Variants in PRKCE observed in about 807,000 individuals in gnomAD.
PRKCE encodes the protein protein kinase C epsilon.
Under a neutral mutation model 85.4 loss-of-function variants are expected in PRKCE, and 16 were observed. The ratio of observed to expected loss-of-function variants is 0.19; its 90% CI spans 0.13 to 0.28. The LOEUF is 0.28. Among genes scored for constraint, PRKCE ranks in the 10% least tolerant of loss-of-function variants. The probability of loss-of-function intolerance (pLI) is 1.00; values close to 1 mark genes in which losing one functional copy is unlikely to be tolerated. For synonymous variants in PRKCE, 388 were observed against 371.5 expected, an observed-to-expected ratio of 1.04 and a Z score of -0.51; for missense variants, 573 against 975.2, an observed-to-expected ratio of 0.59 and a Z score of 5.49.
intron 1 of PRKCE, among the ~76,000 whole-genome samples, chr2:45,795,548 G>A (rs1687371745): frequency 6.6e-6 from 1 of 152,118 alleles, no homozygotes. Flanking sequence ...GACCTCAGGT[G>A]ATCCACCCTC....
chr2:45,656,629 T>C (rs947769684), intron 1 of PRKCE, among the ~76,000 whole-genome samples: 24 of 152,244 alleles, frequency 1.6e-4, no homozygotes, highest in African/African-American at 5.3e-4. Flanking sequence ...ATATAAAAGA[T>C]AGATCTATAT....
At chr2:46,080,727 G>A (rs1474959794) in intron 10 of PRKCE, among the ~76,000 whole-genome samples, 1 of 152,164 alleles carries the variant, frequency 6.6e-6, no homozygotes, top group Non-Finnish European at 1.5e-5. Context: ...TATTGCTTGG[G>A]ATTGCTAGGA....
intron 2 of PRKCE, among the ~76,000 whole-genome samples, chr2:45,915,168 C>T (rs575632809): frequency 3.3e-5 from 5 of 152,156 alleles, no homozygotes; most frequent in Non-Finnish European, 5.9e-5. Context: ...GGATTACAGG[C>T]GTGAGCCACT....
chr2:46,112,082 G>A (rs1258914589), intron 11 of PRKCE, among the ~76,000 whole-genome samples: 1 of 152,084 alleles, frequency 6.6e-6, no homozygotes, highest in Non-Finnish European at 1.5e-5. Flanking sequence ...GTTGTTAGTT[G>A]TATACCTGTT....
At position 46,005,931 on chromosome 2, in the gene PRKCE, G is replaced by T. The variant is rs528702391; in HGVS notation, c.1063+1293G>T. 9.9e-5 allele frequency among the ~76,000 whole-genome samples: 15 copies of T among 152,278 alleles called. No individual in the cohort carries two copies. The South Asian group carries it at 3.1e-3, about 32-fold the overall frequency. ...CCTTTCTGAGGCTGAGATCCCCTTT[G>T]GGAGCTTCAGGGAGACAGGGTCATA... is the stretch of plus-strand genomic sequence containing the variant. On this transcript the variant is annotated intron_variant, in intron 8 of 14. Transcript: ENST00000306156.
intron 14 of PRKCE, among the ~76,000 whole-genome samples, chr2:46,176,470 C>T (rs1258339143): frequency 6.6e-6 from 1 of 152,032 alleles, no homozygotes; most frequent in East Asian, 1.9e-4. Context: ...TCCCAGTATT[C>T]AGAAACTGGG....
chr2:45,970,450 A>G (rs749184216), intron 2 of PRKCE, among the ~76,000 whole-genome samples: 5 of 152,172 alleles, frequency 3.3e-5, no homozygotes, highest in Non-Finnish European at 7.4e-5. Flanking sequence ...ACTAATTGGG[A>G]GGAAACAATC....
rs112930403 is a variant in PRKCE at position 46,070,998 on chromosome 2, A to G, written c.1438-15210A>G. On this transcript the variant is annotated intron_variant, in intron 10 of 14. Transcript: ENST00000306156. ...TTAGATTATCATTTTCTAAGCAAAC[A>G]AAAAGGCCAAGATGGAGATGGTTTG... Among the ~76,000 whole-genome samples the G allele has an allele frequency of 1.4e-4, 21 of 152,358 alleles. 1 individual carries two copies. Among genetic ancestry groups the G allele is most frequent in the African/African-American group, 5.1e-4 (21 of 41,584 alleles).
At chr2:46,182,521 A>C (rs1680093871) in intron 14 of PRKCE, among the ~76,000 whole-genome samples, 1 of 152,018 alleles carries the variant, frequency 6.6e-6, no homozygotes, top group South Asian at 2.1e-4. Context: ...CCTCAGCTAT[A>C]GGTTCTGTTT....
chr2:46,131,389 A>C (rs1674432958), intron 11 of PRKCE, among the ~76,000 whole-genome samples: 1 of 152,244 alleles, frequency 6.6e-6, no homozygotes, highest in African/African-American at 2.4e-5. Context: ...GGGGGAAGTT[A>C]CATATCAAGC....
Position 46,004,786 on chromosome 2 carries a change from T to A in PRKCE, c.1063+148T>A. 1.5e-6 allele frequency: 1 copy of A among 663,454 alleles called. No homozygotes were observed. Among genetic ancestry groups the A allele is most frequent in the South Asian group, 1.8e-5 (1 of 54,134 alleles). 41.1% of individuals were successfully genotyped at this position (663,454 alleles called of 1,614,324 possible). ...TTTCACACACCCGTTGCCTGTTGATTTAACAGTTCTTTCATTCTCCAAGAC... is the reference window on the plus strand; with the variant it reads ...TTTCACACACCCGTTGCCTGTTGATATAACAGTTCTTTCATTCTCCAAGAC... On this transcript the variant is annotated intron_variant, in intron 8 of 14. Coordinates refer to ENST00000306156, the MANE Select transcript of PRKCE (RefSeq NM_005400.3). The surrounding 1 kb of genome is among the most constrained non-coding windows in gnomAD (Gnocchi z 4.1).
chr2:45,937,786 GC>G (rs1171720785), intron 2 of PRKCE, among the ~76,000 whole-genome samples: 1 of 151,928 alleles, frequency 6.6e-6, no homozygotes, highest in East Asian at 1.9e-4. Flanking sequence ...ATTATCGAAC[GC>G]CTACTGTGTA....
intron 6 of PRKCE, among the ~76,000 whole-genome samples, chr2:45,990,742 A>C (rs542251783): frequency 1.3e-5 from 2 of 151,396 alleles, no homozygotes; most frequent in East Asian, 1.9e-4. Context: ...GCTCACTGCA[A>C]CTTTCACCTC....
chr2:45,658,971 T>A (rs936982814), intron 1 of PRKCE, among the ~76,000 whole-genome samples: 1 of 152,238 alleles, frequency 6.6e-6, no homozygotes, highest in Non-Finnish European at 1.5e-5. Flanking sequence ...GTATGGGTAA[T>A]TGGAAATGAG....
chr2:46,011,775 C>T (rs1015224855), intron 10 of PRKCE, among the ~76,000 whole-genome samples: 3 of 151,882 alleles, frequency 2.0e-5, no homozygotes, highest in African/African-American at 7.2e-5. Context: ...CTCTTACACA[C>T]ACATACACAT....
chr2:46,095,267 C>CTT (rs1238813236), intron 11 of PRKCE, among the ~76,000 whole-genome samples: 1 of 152,170 alleles, frequency 6.6e-6, no homozygotes, highest in Non-Finnish European at 1.5e-5. Context: ...AGAGTCCTGC[C>CTT]TAAAGGGAGA....
At chr2:45,683,998 C>T (rs1187087165) in intron 1 of PRKCE, among the ~76,000 whole-genome samples, 1 of 152,170 alleles carries the variant, frequency 6.6e-6, no homozygotes, top group African/African-American at 2.4e-5. Context: ...AACTGCCTTG[C>T]CACTGAACAC....
intron 1 of PRKCE, among the ~76,000 whole-genome samples, chr2:45,662,151 A>G (rs1040491035): frequency 6.6e-6 from 1 of 152,220 alleles, no homozygotes; most frequent in African/African-American, 2.4e-5. Context: ...GAAAGAATTC[A>G]CAAAAGATTC....
intron 1 of PRKCE, among the ~76,000 whole-genome samples, chr2:45,809,543 A>C (rs145019522): frequency 6.6e-6 from 1 of 152,240 alleles, no homozygotes; most frequent in East Asian, 1.9e-4. Flanking sequence ...AGCCTCCAAT[A>C]ATAGCGACTT....
Sources: allele counts gnomAD v4.1 joint callset (sites outside exome capture counted in the v4.1 genomes callset), GRCh38; gene constraint gnomAD v4.1.1; non-coding constraint Gnocchi (gnomAD v3.1); transcripts MANE v1.5; gene names NCBI Gene and HGNC (gene_info 2026-07-23, HGNC 2026-07-21).